Variants in CERS6 observed in about 807,000 individuals in gnomAD.
CERS6 encodes ceramide synthase 6, also known as LAG1 homolog, ceramide synthase 6.
In CERS6, 26 loss-of-function variants were observed where a neutral mutation model predicts 56.8. The ratio of observed to expected loss-of-function variants is 0.46; its 90% CI spans 0.34 to 0.63. The LOEUF (loss-of-function observed/expected upper bound fraction) is 0.63, where lower values mean the gene tolerates loss of function less well. Among genes scored for constraint, CERS6 ranks in the 30% least tolerant of loss-of-function variants. The probability of loss-of-function intolerance (pLI) is 0.01; values close to 1 mark genes in which losing one functional copy is unlikely to be tolerated. For synonymous variants in CERS6, 164 were observed against 173.3 expected (o/e 0.95, Z 0.42); for missense variants, 415 against 467.5 (o/e 0.89, Z 1.04).
intron 3 of CERS6, among the ~76,000 whole-genome samples, chr2:168,578,938 A>T (rs1175505794): frequency 6.6e-6 from 1 of 152,178 alleles, no homozygotes; most frequent in Admixed American, 6.5e-5. Flanking sequence ...CAAATCAGAG[A>T]CTTATATATA....
chr2:168,483,942 G>T (rs1244928861), intron 1 of CERS6, among the ~76,000 whole-genome samples: 1 of 152,074 alleles, frequency 6.6e-6, no homozygotes, highest in Non-Finnish European at 1.5e-5. Context: ...TTTTTAACAA[G>T]TTCCCTGGTT....
intron 3 of CERS6, among the ~76,000 whole-genome samples, chr2:168,601,278 T>G (rs1322681732): frequency 2.6e-5 from 4 of 152,228 alleles, no homozygotes; most frequent in Middle Eastern, 3.2e-3. Context: ...GGAAACAATT[T>G]TGAACCTATC....
intron 3 of CERS6, among the ~76,000 whole-genome samples, chr2:168,602,090 G>C (rs745475756): frequency 6.6e-6 from 1 of 152,322 alleles, no homozygotes; most frequent in Admixed American, 6.5e-5. Context: ...TCACTATGCT[G>C]TACACGTATT....
chr2:168,718,701 C>T (rs1281954969), intron 8 of CERS6, among the ~76,000 whole-genome samples: 1 of 152,150 alleles, frequency 6.6e-6, no homozygotes, highest in East Asian at 1.9e-4. Context: ...TGAAGAATTT[C>T]TTTAGGTTGA....
intron 4 of CERS6, among the ~76,000 whole-genome samples, chr2:168,631,466 TA>T (rs1684715982): frequency 8.3e-6 from 1 of 121,212 alleles, no homozygotes; most frequent in Non-Finnish European, 1.6e-5. Context: ...TATAAAAATA[TA>T]ATATATAATA....
chr2:168,495,325 A>G (rs1694446427), intron 1 of CERS6, among the ~76,000 whole-genome samples: 1 of 152,196 alleles, frequency 6.6e-6, no homozygotes, highest in African/African-American at 2.4e-5. Flanking sequence ...GTCAAAAGTA[A>G]AGTGTTTTAT....
At chr2:168,713,888 C>T (rs142818374) in intron 6 of CERS6, among the ~76,000 whole-genome samples, 14 of 152,172 alleles carry the variant, frequency 9.2e-5, no homozygotes, top group African/African-American at 1.9e-4. Flanking sequence ...ATGCTAACAC[C>T]GAGATGCACA....
At chr2:168,721,587 A>T (rs1473819097) in intron 8 of CERS6, among the ~76,000 whole-genome samples, 12 of 133,988 alleles carry the variant, frequency 9.0e-5, no homozygotes, top group Non-Finnish European at 1.5e-4. Context: ...ACCAAAAAAC[A>T]AAAACTAAAG....
At chr2:168,716,022 T>G (rs2105390541) in intron 7 of CERS6, among the ~76,000 whole-genome samples, 2 of 152,194 alleles carry the variant, frequency 1.3e-5, no homozygotes, top group East Asian at 3.9e-4. Flanking sequence ...AGACATGCCC[T>G]CAAATAATGA....
In CERS6 at chr2:168,683,852, A is replaced by G. The variant is rs1686279697; in HGVS notation, c.466-7182A>G. On this transcript the variant is annotated intron_variant, in intron 4 of 9. Transcript: ENST00000305747. Reference sequence around the variant, plus strand: ...TGAGCTGTAGTGTGCATAGTGTACCACGGTGACTGTTAGATGTGTGTGGAG... The same window carrying G: ...TGAGCTGTAGTGTGCATAGTGTACCGCGGTGACTGTTAGATGTGTGTGGAG... Among the ~76,000 whole-genome samples, 5 of 152,282 alleles carry G rather than the reference A, an allele frequency of 3.3e-5. No individual in the cohort carries two copies. In the South Asian group the frequency reaches 8.3e-4, roughly 25 times the overall value.
chr2:168,540,059 G>A lies in CERS6; in HGVS notation c.171-7537G>A, dbSNP rs570094309. ...AAGAAGAACTTCCTTTAGCATATTT[G>A]AAATGGGAATCTGGAGGCCACAAAT... On this transcript the variant is annotated intron_variant, in intron 1 of 9. Coordinates refer to ENST00000305747, the MANE Select transcript of CERS6 (RefSeq NM_203463.3). Among the ~76,000 whole-genome samples the A allele has an allele frequency of 5.9e-5, 9 of 152,112 alleles. No individual in the cohort carries two copies. The South Asian group carries it at 1.7e-3, about 28-fold the overall frequency.
In CERS6 at chr2:168,456,395, G is replaced by T. The variant is rs565767611; in HGVS notation, c.-54G>T. On this transcript the variant is annotated 5_prime_UTR_variant, in exon 1 of 10. Transcript: ENST00000305747. This position sits in a 1 kb window ranked among gnomAD's most constrained non-coding sequence, Gnocchi z 4.1. ...GCGCGCATCCCCGGGCGCCCTGCGC[G>T]GTGGAGAGCTTGGCGGGCTGCGGGT... The T allele has an allele frequency of 6.9e-7, 1 of 1,452,760 alleles. No individual in the cohort carries two copies. Among genetic ancestry groups the T allele is most frequent in the Non-Finnish European group, 9.2e-7 (1 of 1,083,664 alleles). The allele number at this position is 1,452,760 out of a possible 1,614,324, so 90.0% of individuals were successfully genotyped here. A position where few individuals can be genotyped will look rare whatever the true frequency, so the allele number is the denominator to read the frequency against.
At position 168,618,538 on chromosome 2, in the gene CERS6, G is replaced by T. The variant is rs376197411; in HGVS notation, c.408-12447G>T. ...GATAAAAAATTCAGCAAAGCTTCTG[G>T]ATACAAAATTAATGTACACAAGTCA... On this transcript the variant is annotated intron_variant, in intron 3 of 9. Transcript: ENST00000305747. Among the ~76,000 whole-genome samples the T allele has an allele frequency of 5.3e-5, 8 of 152,238 alleles. No individual in the cohort carries two copies. The East Asian group carries it at 9.6e-4, about 18-fold the overall frequency.
intron 2 of CERS6, among the ~76,000 whole-genome samples, chr2:168,549,812 C>T (rs903072457): frequency 3.3e-5 from 5 of 152,030 alleles, no homozygotes; most frequent in Admixed American, 2.0e-4. Flanking sequence ...TGTAGTTCTC[C>T]GGTCTTAATT....
At position 168,774,458 on chromosome 2, in the gene CERS6, A is replaced by G. The variant is rs1328285273; in HGVS notation, c.*4796A>G. 2 of 152,194 alleles carry G rather than the reference A, an allele frequency of 1.3e-5. No homozygotes were observed. Among genetic ancestry groups the G allele is most frequent in the South Asian group, 2.1e-4 (1 of 4,826 alleles). 9.4% of individuals were successfully genotyped at this position (152,194 alleles called of 1,614,324 possible). A position where few individuals can be genotyped will look rare whatever the true frequency, so the allele number is the denominator to read the frequency against. ...TGTGTGTTTTTCTTAACACAGGTCC[A>G]TGAAAGTTTGGCTTCCTGGTTTGAT... On this transcript the variant is annotated 3_prime_UTR_variant, in exon 10 of 10. Coordinates refer to ENST00000305747, the MANE Select transcript of CERS6 (RefSeq NM_203463.3).
At chr2:168,591,330 TC>T (rs1683665313) in intron 3 of CERS6, among the ~76,000 whole-genome samples, 1 of 152,250 alleles carries the variant, frequency 6.6e-6, no homozygotes, top group Non-Finnish European at 1.5e-5. Context: ...ACCATCCACA[TC>T]ATGAAGTTTC....
chr2:168,628,504 A>T (rs1421026920), intron 3 of CERS6, among the ~76,000 whole-genome samples: 2 of 152,212 alleles, frequency 1.3e-5, no homozygotes, highest in African/African-American at 4.8e-5. Flanking sequence ...CAGTACCTTC[A>T]TAGGTCATCT....
chr2:168,624,596 A>T (rs1684548038), intron 3 of CERS6, among the ~76,000 whole-genome samples: 1 of 152,142 alleles, frequency 6.6e-6, no homozygotes, highest in Non-Finnish European at 1.5e-5. Context: ...TTTTGTAAAA[A>T]TAAATAGGTG....
intron 3 of CERS6, among the ~76,000 whole-genome samples, chr2:168,570,495 A>G (rs1010104823): frequency 3.9e-5 from 6 of 152,186 alleles, no homozygotes; most frequent in African/African-American, 1.2e-4. Context: ...CTGCACCAGG[A>G]GGGACAGAGG....
Sources: gnomAD v4.1 joint callset for allele counts (sites outside exome capture counted in the v4.1 genomes callset) on GRCh38, gnomAD v4.1.1 for gene constraint, Gnocchi (gnomAD v3.1) non-coding constraint, MANE v1.5 for transcripts, NCBI Gene and HGNC (gene_info 2026-07-23, HGNC 2026-07-21) for gene names.